The following ROBO1 variants were observed in gnomAD, a reference collection of about 807,000 sequenced individuals.
ROBO1 encodes roundabout guidance receptor 1.
A neutral mutation model predicts 195.9 loss-of-function variants in ROBO1; 149 were observed. That is an observed-to-expected ratio of 0.76 (90% confidence interval 0.67 to 0.87). The LOEUF (loss-of-function observed/expected upper bound fraction) is 0.87, where lower values mean the gene tolerates loss of function less well. Ranked by LOEUF, ROBO1 falls within the 40% of genes least tolerant of loss-of-function variation. The pLI is 0.00. For missense variants in ROBO1, 1,933 were observed against 2,068.3 expected (o/e 0.93, Z 1.27); for synonymous variants, 816 against 733.2 (o/e 1.11, Z -1.82).
At chr3:78,955,349 C>A (rs930019587) in intron 3 of ROBO1, among the ~76,000 whole-genome samples, 2 of 152,050 alleles carry the variant, frequency 1.3e-5, no homozygotes, top group Non-Finnish European at 2.9e-5. Context: ...TTTTTCTGAA[C>A]CTCTCTCTCC....
intron 2 of ROBO1, among the ~76,000 whole-genome samples, chr3:79,570,022 G>T (rs1264093455): frequency 1.3e-5 from 2 of 152,006 alleles, no homozygotes; most frequent in African/African-American, 4.8e-5. Context: ...ATCAACCTGA[G>T]CCCAGGAGGT....
intron 2 of ROBO1, among the ~76,000 whole-genome samples, chr3:79,473,055 GA>G (rs1261419763): frequency 1.3e-5 from 2 of 152,256 alleles, no homozygotes; most frequent in African/African-American, 4.8e-5. Context: ...CCTCCAAAAA[GA>G]TATACCCAAG....
chr3:79,110,777 C>T (rs1242030892), intron 3 of ROBO1, among the ~76,000 whole-genome samples: 2 of 151,602 alleles, frequency 1.3e-5, no homozygotes, highest in African/African-American at 2.4e-5. Context: ...TGTGCACCAC[C>T]ACACCTGGCT....
intron 3 of ROBO1, among the ~76,000 whole-genome samples, chr3:79,029,507 A>G (rs1210922325): frequency 2.0e-5 from 3 of 152,200 alleles, no homozygotes; most frequent in African/African-American, 4.8e-5. Flanking sequence ...CACATTGTCC[A>G]CTACACTACA....
intron 3 of ROBO1, 66 bp from the exon 4 acceptor site, chr3:78,938,993 G>A (rs2039975248): frequency 7.3e-7 from 1 of 1,371,782 alleles, no homozygotes; most frequent in African/African-American, 1.4e-5. Flanking sequence ...TATTTTTAAA[G>A]CATTGGCTTA....
intron 21 of ROBO1, among the ~76,000 whole-genome samples, chr3:78,643,349 T>G (rs1706084606): frequency 6.6e-6 from 1 of 152,224 alleles, no homozygotes; most frequent in Non-Finnish European, 1.5e-5. Context: ...CATAATTCAC[T>G]GACCTCTGAC....
chr3:79,484,812 G>T (rs1261095169), intron 2 of ROBO1, among the ~76,000 whole-genome samples: 2 of 123,606 alleles, frequency 1.6e-5, no homozygotes, highest in Non-Finnish European at 3.2e-5. Context: ...AGAGTGCAGT[G>T]GCATGATCTC....
intron 2 of ROBO1, among the ~76,000 whole-genome samples, chr3:79,228,345 G>T (rs2082262970): frequency 6.6e-6 from 1 of 152,086 alleles, no homozygotes; most frequent in South Asian, 2.1e-4. Context: ...AAGATTAAAG[G>T]TCATTCAAAA....
At chr3:79,372,533 G>A (rs1015571976) in intron 2 of ROBO1, among the ~76,000 whole-genome samples, 12 of 151,914 alleles carry the variant, frequency 7.9e-5, no homozygotes, top group Non-Finnish European at 1.5e-4. Context: ...AAGGAGAGAT[G>A]TGGGAGTGCT....
intron 2 of ROBO1, among the ~76,000 whole-genome samples, chr3:79,524,274 A>G (rs1046969182): frequency 1.3e-5 from 2 of 152,004 alleles, no homozygotes; most frequent in African/African-American, 4.8e-5. Context: ...AACTGTAAAC[A>G]TCATAGAATT....
intron 2 of ROBO1, among the ~76,000 whole-genome samples, chr3:79,410,623 A>G (rs936475399): frequency 2.0e-5 from 3 of 150,574 alleles, no homozygotes; most frequent in Non-Finnish European, 4.4e-5. Context: ...AAAGAAAGGA[A>G]GGAAGGAAGG....
At chr3:78,648,800 C>T (rs1181140851) in intron 19 of ROBO1, among the ~76,000 whole-genome samples, 2 of 152,068 alleles carry the variant, frequency 1.3e-5, no homozygotes, top group Non-Finnish European at 2.9e-5. Flanking sequence ...CAAAACACTG[C>T]CAGAATTATA....
At chr3:79,138,119 T>A (rs913230415) in intron 2 of ROBO1, among the ~76,000 whole-genome samples, 1 of 152,094 alleles carries the variant, frequency 6.6e-6, no homozygotes, top group Admixed American at 6.5e-5. Context: ...AACTACTGAC[T>A]GAAATCAAGA....
At chr3:78,664,397 A>T (rs1351152096) in intron 14 of ROBO1, among the ~76,000 whole-genome samples, 1 of 152,172 alleles carries the variant, frequency 6.6e-6, no homozygotes, top group Non-Finnish European at 1.5e-5. Flanking sequence ...CTAGGGCTCA[A>T]GAATGATACA....
intron 4 of ROBO1, among the ~76,000 whole-genome samples, chr3:78,906,372 G>GTT (rs1350831114): frequency 6.6e-6 from 1 of 152,092 alleles, no homozygotes; most frequent in Non-Finnish European, 1.5e-5. Context: ...GTGCCTTACT[G>GTT]TTAATTAAAA....
At chr3:78,890,610 T>A (rs1361243656) in intron 4 of ROBO1, among the ~76,000 whole-genome samples, 1 of 152,226 alleles carries the variant, frequency 6.6e-6, no homozygotes, top group East Asian at 1.9e-4. Flanking sequence ...GGATATTTTT[T>A]TGTCCATTAA....
At chr3:78,847,341 TG>T (rs1337462306) in intron 4 of ROBO1, among the ~76,000 whole-genome samples, 2 of 152,130 alleles carry the variant, frequency 1.3e-5, no homozygotes, top group Non-Finnish European at 2.9e-5. Context: ...GGACCAGAAA[TG>T]TGTCAGGCCA....
At chr3:78,902,023 G>A (rs2037621730) in intron 4 of ROBO1, among the ~76,000 whole-genome samples, 1 of 152,042 alleles carries the variant, frequency 6.6e-6, no homozygotes, top group Non-Finnish European at 1.5e-5. Context: ...CTCAACCTCT[G>A]GAGTCCTTGA....
intron 4 of ROBO1, among the ~76,000 whole-genome samples, chr3:78,889,028 A>G (rs1199161256): frequency 6.6e-6 from 1 of 152,048 alleles, no homozygotes; most frequent in East Asian, 1.9e-4. Context: ...AGAAAGATAC[A>G]CTCTCTTAAA....
Sources: gnomAD v4.1 joint callset for allele counts (sites outside exome capture counted in the v4.1 genomes callset) on GRCh38, gnomAD v4.1.1 for gene constraint, MANE v1.5 for transcripts, NCBI Gene and HGNC (gene_info 2026-07-23, HGNC 2026-07-21) for gene names.